The following WDR1 variants were observed in gnomAD, a reference collection of about 807,000 sequenced individuals.
The protein encoded by WDR1 is WD repeat-containing protein 1.
Under a neutral mutation model 71.9 loss-of-function variants are expected in WDR1, and 21 were observed. That is an observed-to-expected ratio of 0.29 (90% CI 0.21 to 0.42). The LOEUF (loss-of-function observed/expected upper bound fraction) is 0.42. Among genes scored for constraint, WDR1 ranks in the 10% least tolerant of loss-of-function variants. The pLI is 1.00. For missense variants in WDR1, 696 were observed against 824.5 expected (o/e 0.84, Z 1.91); for synonymous variants, 424 against 347.4 (o/e 1.22, Z -2.45).
chr4:10,078,661 G>A (rs1764889758), intron 12 of WDR1: 2 of 480,604 alleles, frequency 4.2e-6, no homozygotes, highest in Admixed American at 4.1e-5. Flanking sequence ...GTGGGCACCC[G>A]GGCAGTGAGG....
intron 5 of WDR1, chr4:10,093,205 C>T (rs1259320928): frequency 1.9e-5 from 24 of 1,235,556 alleles, no homozygotes; most frequent in Admixed American, 2.3e-5. Context: ...GGGAGCCCAC[C>T]CCATTCCCCC....
intron 2 of WDR1, chr4:10,108,510 T>A (rs945571850): frequency 2.0e-5 from 3 of 152,314 alleles, no homozygotes; most frequent in East Asian, 1.9e-4. Context: ...GTCTCAGGCG[T>A]CCTCCATGGT....
At position 10,097,785 on chromosome 4, in the gene WDR1, G is replaced by A. The variant is rs1560539596; in HGVS notation, c.484C>T (p.Leu162=). The change falls in exon 5 of 15, where the codon CTG becomes TTG. Residue 162 remains leucine, a synonymous_variant. Transcript: ENST00000499869. ...CAGTTATCATCGCTTCCCGTGGCCA[G>A]CCGGTATGGCCGGCTCTGCTTGATG... ...VDIKQSRPYR[L]ATGSDDNCAA... 1 of 1,613,884 alleles carries A rather than the reference G, an allele frequency of 6.2e-7. No homozygotes were observed. Among genetic ancestry groups the A allele is most frequent in the Non-Finnish European group, 8.5e-7 (1 of 1,179,842 alleles).
chr4:10,089,010 C>A (rs893666136), intron 5 of WDR1, among the ~76,000 whole-genome samples: 8 of 152,238 alleles, frequency 5.3e-5, no homozygotes, highest in South Asian at 2.1e-4. Context: ...CCAGTTATGC[C>A]CCCCCCAGTG....
chr4:10,101,567 C>T (rs1712685826), intron 3 of WDR1, among the ~76,000 whole-genome samples: 1 of 152,268 alleles, frequency 6.6e-6, no homozygotes, highest in South Asian at 2.1e-4. Flanking sequence ...CCCTTGGCTC[C>T]TCTACAAAAT....
chr4:10,085,623 T>G (rs1447575312), intron 8 of WDR1, among the ~76,000 whole-genome samples: 1 of 152,252 alleles, frequency 6.6e-6, no homozygotes, highest in Non-Finnish European at 1.5e-5. Context: ...CTCAATGCCT[T>G]GAACTTACCA....
intron 11 of WDR1, 103 bp downstream of exon 11, chr4:10,081,254 A>C: frequency 8.8e-7 from 1 of 1,141,516 alleles, no homozygotes; most frequent in Non-Finnish European, 1.3e-6. Context: ...CACTCAACCA[A>C]AACACTGGCT....
intron 2 of WDR1, among the ~76,000 whole-genome samples, chr4:10,115,476 G>T: frequency 6.6e-6 from 1 of 152,192 alleles, no homozygotes; most frequent in East Asian, 1.9e-4. Context: ...CAGAGGCCCG[G>T]GTGTTTTTCC....
chr4:10,116,306 C>T, intron 1 of WDR1, 72 bp from the exon 2 acceptor site: 3 of 1,599,714 alleles, frequency 1.9e-6, no homozygotes, highest in East Asian at 2.2e-5. Context: ...GGAGAAGGAG[C>T]CCCGGACCGG....
chr4:10,099,162 G>GTT, intron 3 of WDR1, 23 bp from the exon 4 acceptor site: 2 of 1,404,132 alleles, frequency 1.4e-6, no homozygotes, highest in Non-Finnish European at 9.9e-7. Context: ...GCGGGCGGGG[G>GTT]AGGGGGGGAG....
In WDR1 at chr4:10,100,744, C is replaced by G. The variant is rs567227391; in HGVS notation, c.230-1605G>C. ...GACCTGGAGATCTGCTTAGTTAAGT[C>G]CTTTCACTGATAAAACAGGCCGGGG... is the stretch of plus-strand genomic sequence containing the variant. On this transcript the variant is annotated intron_variant, in intron 3 of 14. Coordinates refer to ENST00000499869, the MANE Select transcript of WDR1 (RefSeq NM_017491.5). Among the ~76,000 whole-genome samples, 5 of 152,276 alleles carry G rather than the reference C, an allele frequency of 3.3e-5. No individual in the cohort carries two copies. In the East Asian group the frequency reaches 9.6e-4, roughly 29 times the overall value.
intron 2 of WDR1, among the ~76,000 whole-genome samples, chr4:10,113,942 C>A (rs1235804481): frequency 6.6e-6 from 1 of 152,208 alleles, no homozygotes; most frequent in African/African-American, 2.4e-5. Context: ...CATGTTAGAT[C>A]TTCCATGATC....
In WDR1 at chr4:10,081,022, C is replaced by A. The variant is rs1764994422; in HGVS notation, c.1284+335G>T. Among the ~76,000 whole-genome samples the A allele has an allele frequency of 2.0e-5, 3 of 152,204 alleles. No homozygotes were observed. In the South Asian group the frequency reaches 6.2e-4, roughly 31 times the overall value. ...AGCAGGGCTGGGATGTGAACAGGAG[C>A]AAAGGCAGGCCCACCCCACAGGGTA... On this transcript the variant is annotated intron_variant, in intron 11 of 14. Transcript: ENST00000499869.
At chr4:10,088,039 G>A (rs1436337876) in intron 7 of WDR1, 99 bp from the exon 8 acceptor site, 3 of 1,204,500 alleles carry the variant, frequency 2.5e-6, no homozygotes, top group East Asian at 2.5e-5. Flanking sequence ...GAGTAGGACA[G>A]AAGGAGCCCA....
At chr4:10,085,119 A>C (rs959350686) in intron 8 of WDR1, among the ~76,000 whole-genome samples, 11 of 152,244 alleles carry the variant, frequency 7.2e-5, no homozygotes, top group Non-Finnish European at 1.5e-5. Context: ...GTCCACAACC[A>C]GACAGCTGCT....
intron 3 of WDR1, among the ~76,000 whole-genome samples, chr4:10,103,605 A>T (rs1051094802): frequency 1.3e-5 from 2 of 152,060 alleles, no homozygotes; most frequent in African/African-American, 4.8e-5. Flanking sequence ...AAGAAAAAAA[A>T]CCTCACGTTT....
chr4:10,081,687 G>T (rs1765021997), intron 10 of WDR1, among the ~76,000 whole-genome samples: 1 of 131,246 alleles, frequency 7.6e-6, no homozygotes, highest in Admixed American at 7.8e-5. Flanking sequence ...GGAGGGGCGG[G>T]AGGCGGTGAA....
intron 3 of WDR1, among the ~76,000 whole-genome samples, chr4:10,102,977 T>C (rs956993206): frequency 1.3e-5 from 2 of 152,154 alleles, no homozygotes; most frequent in South Asian, 2.1e-4. Flanking sequence ...GGGCCACCAT[T>C]CTAGAAGGGG....
At chr4:10,092,586 C>G (rs561206771) in intron 5 of WDR1, 21 of 211,810 alleles carry the variant, frequency 9.9e-5, no homozygotes, top group African/African-American at 4.3e-4. Flanking sequence ...GACACAGATG[C>G]CCCTCGAGTA....
Sources: allele counts gnomAD v4.1 joint callset (sites outside exome capture counted in the v4.1 genomes callset), GRCh38; gene constraint gnomAD v4.1.1; transcripts MANE v1.5; gene names NCBI Gene and HGNC (gene_info 2026-07-23, HGNC 2026-07-21).